The following CTNNA3 variants were observed in gnomAD, a reference collection of about 807,000 sequenced individuals.
CTNNA3 encodes catenin alpha-3.
CTNNA3 carries 76 observed loss-of-function variants against 95.7 expected under a neutral mutation model. The ratio of observed to expected loss-of-function variants is 0.79; its 90% CI spans 0.66 to 0.96. CTNNA3 has a LOEUF of 0.96. CTNNA3 is among the 40% of genes least tolerant of loss of function. CTNNA3 has a pLI of 0.00. For missense variants in CTNNA3, 1,191 were observed against 1,089.8 expected (o/e 1.09, Z -1.31); for synonymous variants, 431 against 374.4 (o/e 1.15, Z -1.74).
intron 11 of CTNNA3, among the ~76,000 whole-genome samples, chr10:66,493,701 G>T (rs963330511): frequency 1.3e-5 from 2 of 149,272 alleles, no homozygotes; most frequent in Non-Finnish European, 2.9e-5. Flanking sequence ...TGCCTCCCGG[G>T]TTCACGCCAT....
At chr10:67,516,328 T>G in intron 5 of CTNNA3, among the ~76,000 whole-genome samples, 1 of 152,230 alleles carries the variant, frequency 6.6e-6, no homozygotes, top group East Asian at 1.9e-4. Flanking sequence ...TACTTTTTTC[T>G]TGCTATAAGT....
intron 14 of CTNNA3, among the ~76,000 whole-genome samples, chr10:66,072,679 G>A (rs918750848): frequency 1.4e-4 from 22 of 151,840 alleles, no homozygotes; most frequent in Non-Finnish European, 1.5e-5. Context: ...TCCTGACCTC[G>A]TGATCCACTC....
intron 7 of CTNNA3, among the ~76,000 whole-genome samples, chr10:67,039,920 G>A (rs1854290975): frequency 6.6e-6 from 1 of 152,108 alleles, no homozygotes; most frequent in Non-Finnish European, 1.5e-5. Flanking sequence ...AAGTTTTGGA[G>A]ATAGCCAACC....
intron 1 of CTNNA3, among the ~76,000 whole-genome samples, chr10:67,759,922 C>T (rs901066966): frequency 6.6e-6 from 1 of 152,126 alleles, no homozygotes; most frequent in Admixed American, 6.5e-5. Flanking sequence ...CCAGTCACCA[C>T]CTTGAGACCT....
chr10:67,498,668 T>C (rs1278005116), intron 5 of CTNNA3, among the ~76,000 whole-genome samples: 4 of 152,184 alleles, frequency 2.6e-5, no homozygotes, highest in African/African-American at 9.7e-5. Flanking sequence ...TAAGTTTTAT[T>C]CCTAGGTATT....
intron 10 of CTNNA3, among the ~76,000 whole-genome samples, chr10:66,583,303 TTGTTG>T (rs1843253403): frequency 1.5e-3 from 2 of 1,320 alleles, no homozygotes. Context: ...TTGGTTTTTG[TTGTTG>T]TTGTTGTTGT....
intron 5 of CTNNA3, among the ~76,000 whole-genome samples, chr10:67,224,148 T>C (rs973495692): frequency 6.6e-6 from 1 of 152,144 alleles, no homozygotes; most frequent in Non-Finnish European, 1.5e-5. Flanking sequence ...AAGTAAGCAA[T>C]ACATTATTAT....
intron 5 of CTNNA3, among the ~76,000 whole-genome samples, chr10:67,343,964 T>C (rs1456778583): frequency 6.7e-6 from 1 of 148,758 alleles, no homozygotes; most frequent in Non-Finnish European, 1.5e-5. Flanking sequence ...TATTTTATTA[T>C]AGTATAATAC....
intron 3 of CTNNA3, among the ~76,000 whole-genome samples, chr10:67,566,933 A>T (rs1335161759): frequency 6.7e-6 from 1 of 150,162 alleles, no homozygotes; most frequent in South Asian, 2.1e-4. Flanking sequence ...AAAAAACCAA[A>T]CACCACATGT....
intron 11 of CTNNA3, among the ~76,000 whole-genome samples, chr10:66,390,305 G>A (rs2092925521): frequency 1.3e-5 from 2 of 152,094 alleles, no homozygotes; most frequent in Admixed American, 1.3e-4. Context: ...TTAAGGGGAA[G>A]AGAGTTTATG....
At chr10:65,970,848 C>G (rs1230642928) in intron 16 of CTNNA3, among the ~76,000 whole-genome samples, 1 of 151,060 alleles carries the variant, frequency 6.6e-6, no homozygotes, top group Non-Finnish European at 1.5e-5. Context: ...TGTATGTACC[C>G]AACACTGAAG....
chr10:67,200,124 T>C (rs950367939), intron 6 of CTNNA3, among the ~76,000 whole-genome samples: 2 of 152,130 alleles, frequency 1.3e-5, no homozygotes, highest in African/African-American at 4.8e-5. Context: ...GAGAGATATA[T>C]TGGGTCCTGA....
chr10:67,529,489 C>T (rs1198173440), intron 4 of CTNNA3, among the ~76,000 whole-genome samples: 4 of 105,532 alleles, frequency 3.8e-5, no homozygotes, highest in Non-Finnish European at 5.3e-5. Context: ...CTGGGGACTG[C>T]TGTGGGGTCG....
chr10:67,544,352 CA>C (rs1389404409), intron 3 of CTNNA3, among the ~76,000 whole-genome samples: 1 of 151,086 alleles, frequency 6.6e-6, no homozygotes, highest in Non-Finnish European at 1.5e-5. Flanking sequence ...AGAAATGGAC[CA>C]AAAAAAACAG....
intron 2 of CTNNA3, among the ~76,000 whole-genome samples, chr10:67,612,155 C>T (rs534209294): frequency 6.6e-6 from 1 of 152,094 alleles, no homozygotes; most frequent in Admixed American, 6.5e-5. Context: ...TCAACACCCC[C>T]CCAAACCAAC....
At chr10:66,307,353 C>T (rs1244243037) in intron 12 of CTNNA3, among the ~76,000 whole-genome samples, 1 of 152,086 alleles carries the variant, frequency 6.6e-6, no homozygotes, top group Non-Finnish European at 1.5e-5. Context: ...ATATCATTTG[C>T]ATGTGTGACA....
intron 13 of CTNNA3, among the ~76,000 whole-genome samples, chr10:66,204,006 T>C (rs2087601371): frequency 6.6e-6 from 1 of 152,124 alleles, no homozygotes; most frequent in African/African-American, 2.4e-5. Flanking sequence ...AATTTGGAGG[T>C]AGGACTATGA....
At chr10:65,985,566 C>G (rs557282542) in intron 16 of CTNNA3, among the ~76,000 whole-genome samples, 1 of 151,414 alleles carries the variant, frequency 6.6e-6, no homozygotes, top group South Asian at 2.1e-4. Context: ...TAGTATTCTA[C>G]TAAATACTAC....
intron 5 of CTNNA3, among the ~76,000 whole-genome samples, chr10:67,430,820 T>TACACACACACACACACACACAC (rs371146065): frequency 1.4e-5 from 2 of 138,768 alleles, no homozygotes; most frequent in African/African-American, 2.7e-5. Context: ...CAAACATAAC[T>TACACACACACACACACACACAC]ACACACACAC....
Sources: allele counts gnomAD v4.1 joint callset (sites outside exome capture counted in the v4.1 genomes callset), GRCh38; gene constraint gnomAD v4.1.1; transcripts MANE v1.5; gene names NCBI Gene and HGNC (gene_info 2026-07-23, HGNC 2026-07-21).